Variants in NBEA observed in about 807,000 individuals in gnomAD.
NBEA encodes the protein neurobeachin, also known as lysosomal-trafficking regulator 2.
In NBEA, 44 loss-of-function variants were observed where a neutral mutation model predicts 343.4. That is an observed-to-expected ratio of 0.13 (90% CI 0.10 to 0.16). The LOEUF is 0.16. Ranked by LOEUF, NBEA falls within the 10% of genes least tolerant of loss-of-function variation. The pLI is 1.00. For synonymous variants in NBEA, 1,175 were observed against 1,238.7 expected, an observed-to-expected ratio of 0.95 and a Z score of 1.08; for missense variants, 2,555 against 3,631.3, an observed-to-expected ratio of 0.70 and a Z score of 7.62.
chr13:35,131,966 C>T (rs76175451), intron 17 of NBEA, among the ~76,000 whole-genome samples: 2 of 152,078 alleles, frequency 1.3e-5, no homozygotes, highest in African/African-American at 2.4e-5. Context: ...TAGAACTGAA[C>T]GAAAACAAAA....
intron 31 of NBEA, among the ~76,000 whole-genome samples, chr13:35,204,990 A>G (rs1005501442): frequency 6.6e-6 from 1 of 152,170 alleles, no homozygotes; most frequent in East Asian, 1.9e-4. Context: ...ACTCTCATAT[A>G]TGAATAGTTG....
chr13:35,322,112 G>C (rs1306244659), intron 36 of NBEA, among the ~76,000 whole-genome samples: 1 of 152,050 alleles, frequency 6.6e-6, no homozygotes, highest in African/African-American at 2.4e-5. Context: ...GAACGGTTCT[G>C]TCTCGCTGGC....
rs544072189 is a variant in NBEA at position 35,375,797 on chromosome 13, A to C, written c.6179+23474A>C. On this transcript the variant is annotated intron_variant, in intron 38 of 58. Transcript: ENST00000379939. ...TGATCTTAAATATAATGAGTCAGAA[A>C]TATTAGGGAATTTATTAAAACATTA... 2.6e-5 allele frequency among the ~76,000 whole-genome samples: 4 copies of C among 152,308 alleles called. No individual in the cohort carries two copies. The South Asian group carries it at 8.3e-4, about 32-fold the overall frequency.
At chr13:35,366,382 T>C (rs2041114510) in intron 38 of NBEA, among the ~76,000 whole-genome samples, 1 of 151,394 alleles carries the variant, frequency 6.6e-6, no homozygotes, top group Admixed American at 6.6e-5. Context: ...TTTCTGATAA[T>C]GTTTGCAGTA....
chr13:35,106,282 A>C (rs2065913294), intron 11 of NBEA, among the ~76,000 whole-genome samples: 1 of 152,026 alleles, frequency 6.6e-6, no homozygotes, highest in South Asian at 2.1e-4. Flanking sequence ...GAGAAAATGA[A>C]AACAAATACC....
intron 18 of NBEA, among the ~76,000 whole-genome samples, chr13:35,153,121 C>T (rs2068906511): frequency 6.6e-6 from 1 of 151,156 alleles, no homozygotes; most frequent in Non-Finnish European, 1.5e-5. Flanking sequence ...CAAGCTCCAC[C>T]TCCCAAGTTC....
intron 38 of NBEA, among the ~76,000 whole-genome samples, chr13:35,356,376 T>A (rs546722402): frequency 6.6e-6 from 1 of 152,160 alleles, no homozygotes; most frequent in Non-Finnish European, 1.5e-5. Flanking sequence ...CAAAAGTTGC[T>A]TTTGAATGCT....
intron 40 of NBEA, 55 bp from the exon 41 acceptor site, chr13:35,472,345 G>A: frequency 6.4e-7 from 1 of 1,564,792 alleles, no homozygotes; most frequent in Non-Finnish European, 8.6e-7. Context: ...TTTCTGGGAG[G>A]GAGCAGGAAG....
intron 39 of NBEA, among the ~76,000 whole-genome samples, chr13:35,435,071 C>T (rs2045348639): frequency 6.6e-6 from 1 of 152,048 alleles, no homozygotes; most frequent in Non-Finnish European, 1.5e-5. Context: ...TCTTGTTGCC[C>T]AGGCTGGAGT....
intron 48 of NBEA, among the ~76,000 whole-genome samples, chr13:35,625,660 A>C (rs2083197543): frequency 1.3e-5 from 2 of 151,848 alleles, no homozygotes; most frequent in South Asian, 4.2e-4. Context: ...ATATAAATCA[A>C]CAATATAAAG....
At chr13:35,609,896 T>C (rs2153053858) in intron 48 of NBEA, among the ~76,000 whole-genome samples, 1 of 152,260 alleles carries the variant, frequency 6.6e-6, no homozygotes, top group Middle Eastern at 3.4e-3. Context: ...AGCTGCCTGC[T>C]CTGTAAATGA....
intron 1 of NBEA, among the ~76,000 whole-genome samples, chr13:34,993,242 ATAT>A: frequency 6.6e-6 from 1 of 152,100 alleles, no homozygotes; most frequent in Non-Finnish European, 1.5e-5. Context: ...CTCAGCCGAA[ATAT>A]TATTTTTTCA....
chr13:35,118,314 A>C, intron 15 of NBEA, 24 bp downstream of exon 15: 1 of 1,562,502 alleles, frequency 6.4e-7, no homozygotes, highest in Non-Finnish European at 8.7e-7. Flanking sequence ...TGGGCCTTTT[A>C]TTTTAATTAT....
intron 38 of NBEA, among the ~76,000 whole-genome samples, chr13:35,370,293 T>G (rs1403888031): frequency 2.0e-5 from 3 of 152,158 alleles, no homozygotes; most frequent in East Asian, 3.9e-4. Flanking sequence ...TGACCTTCTT[T>G]GTCTTTTGTT....
chr13:35,058,673 G>C, intron 7 of NBEA, 44 bp from the exon 8 acceptor site: 1 of 1,479,430 alleles, frequency 6.8e-7, no homozygotes. Context: ...AAACCTTTTT[G>C]TCATTAAAAA....
intron 1 of NBEA, among the ~76,000 whole-genome samples, chr13:35,010,726 C>T (rs1441958574): frequency 3.1e-4 from 3 of 9,686 alleles, no homozygotes; most frequent in Non-Finnish European, 6.3e-4. Flanking sequence ...TGGGTCTCTA[C>T]AAAAAAAAAA....
chr13:35,549,591 A>C (rs1358712877), intron 41 of NBEA, among the ~76,000 whole-genome samples: 3 of 152,170 alleles, frequency 2.0e-5, no homozygotes, highest in Admixed American at 6.5e-5. Flanking sequence ...ATTAGAGCCA[A>C]CCTTGGCCTT....
chr13:35,543,791 CAT>C (rs1421126171), intron 41 of NBEA, among the ~76,000 whole-genome samples: 3 of 152,132 alleles, frequency 2.0e-5, no homozygotes, highest in Non-Finnish European at 2.9e-5. Flanking sequence ...ATCACCAAGA[CAT>C]GTGGTGAGAG....
chr13:35,068,026 AGTACAT>A (rs1355542372), intron 8 of NBEA, among the ~76,000 whole-genome samples: 1 of 152,080 alleles, frequency 6.6e-6, no homozygotes, highest in African/African-American at 2.4e-5. Context: ...GTGTAAGCAT[AGTACAT>A]GTCCGCCTTT....
Sources: allele counts gnomAD v4.1 joint callset (sites outside exome capture counted in the v4.1 genomes callset), GRCh38; gene constraint gnomAD v4.1.1; transcripts MANE v1.5; gene names NCBI Gene and HGNC (gene_info 2026-07-23, HGNC 2026-07-21).